HS6ST3: variants seen among roughly 807,000 people sequenced by gnomAD.
HS6ST3 encodes heparan sulfate 6-O-sulfotransferase 3.
HS6ST3 carries 12 observed loss-of-function variants against 36.7 expected under a neutral mutation model. The ratio of observed to expected loss-of-function variants is 0.33; its 90% CI spans 0.21 to 0.53. HS6ST3 has a LOEUF of 0.53. Among genes scored for constraint, HS6ST3 ranks in the 20% least tolerant of loss-of-function variants. HS6ST3 has a pLI of 0.95. For synonymous variants in HS6ST3, 240 were observed against 257.5 expected (o/e 0.93, Z 0.65); for missense variants, 584 against 640.9 (o/e 0.91, Z 0.96).
chr13:96,674,532 G>T (rs1298543578), intron 1 of HS6ST3, among the ~76,000 whole-genome samples: 3 of 152,078 alleles, frequency 2.0e-5, no homozygotes, highest in Admixed American at 1.3e-4. Context: ...TCTGGGAACA[G>T]GGGGAAGTTA....
intron 1 of HS6ST3, among the ~76,000 whole-genome samples, chr13:96,692,107 A>C (rs1226558868): frequency 1.3e-5 from 2 of 152,162 alleles, no homozygotes; most frequent in Non-Finnish European, 2.9e-5. Flanking sequence ...TGAAATTTTT[A>C]GAGTCATTCA....
At chr13:96,545,290 A>G (rs1003375580) in intron 1 of HS6ST3, among the ~76,000 whole-genome samples, 3 of 152,194 alleles carry the variant, frequency 2.0e-5, no homozygotes, top group African/African-American at 7.2e-5. Context: ...AATTATTTCT[A>G]TTTGCCTCAT....
Position 96,301,249 on chromosome 13 carries a change from A to G in HS6ST3, c.707+209680A>G, listed in dbSNP as rs1282121778. Among the ~76,000 whole-genome samples the G allele has an allele frequency of 2.6e-5, 4 of 152,362 alleles. No homozygotes were observed. In the East Asian group the frequency reaches 5.8e-4, roughly 22 times the overall value. ...AAAACAAAACATAAAACATTTCACC[A>G]TAATATTTGCCAATCTTATATACCT... On this transcript the variant is annotated intron_variant, in intron 1 of 1. Transcript: ENST00000376705.
intron 1 of HS6ST3, among the ~76,000 whole-genome samples, chr13:96,362,435 C>CA (rs908318532): frequency 1.3e-5 from 2 of 152,138 alleles, no homozygotes; most frequent in African/African-American, 4.8e-5. Context: ...CAAATCGACT[C>CA]AAACACGTAC....
chr13:96,610,031 A>T (rs2056452298), intron 1 of HS6ST3, among the ~76,000 whole-genome samples: 2 of 152,296 alleles, frequency 1.3e-5, no homozygotes, highest in South Asian at 4.1e-4. Context: ...ATGGCACACA[A>T]GCACGTGGGA....
intron 1 of HS6ST3, among the ~76,000 whole-genome samples, chr13:96,761,479 T>C (rs910226539): frequency 2.0e-5 from 3 of 152,126 alleles, no homozygotes; most frequent in African/African-American, 7.2e-5. Flanking sequence ...AGTAAATATA[T>C]AAACATCTAG....
chr13:96,295,002 G>C (rs1467908214), intron 1 of HS6ST3, among the ~76,000 whole-genome samples: 1 of 151,988 alleles, frequency 6.6e-6, no homozygotes, highest in Non-Finnish European at 1.5e-5. Context: ...TATGTTAAAG[G>C]AGTCATAGCA....
intron 1 of HS6ST3, among the ~76,000 whole-genome samples, chr13:96,793,838 C>T (rs1181952148): frequency 6.6e-6 from 1 of 151,984 alleles, no homozygotes; most frequent in Non-Finnish European, 1.5e-5. Context: ...AATCAATTCT[C>T]AGAAGTCTAC....
chr13:96,184,133 G>A (rs777663421), intron 1 of HS6ST3, among the ~76,000 whole-genome samples: 4 of 150,620 alleles, frequency 2.7e-5, no homozygotes, highest in Non-Finnish European at 3.0e-5. Context: ...CCTGGCAGGG[G>A]GAGGTTGCAA....
At chr13:96,493,414 T>A (rs2055956576) in intron 1 of HS6ST3, among the ~76,000 whole-genome samples, 1 of 152,172 alleles carries the variant, frequency 6.6e-6, no homozygotes, top group South Asian at 2.1e-4. Context: ...ATCTAAATAA[T>A]GATGATCATT....
intron 1 of HS6ST3, among the ~76,000 whole-genome samples, chr13:96,096,078 C>T (rs1177934267): frequency 2.0e-5 from 3 of 151,564 alleles, no homozygotes; most frequent in Non-Finnish European, 4.4e-5. Flanking sequence ...AACTGCAACT[C>T]GAATTTATTT....
chr13:96,303,216 G>T (rs2054892560), intron 1 of HS6ST3, among the ~76,000 whole-genome samples: 1 of 152,064 alleles, frequency 6.6e-6, no homozygotes, highest in Non-Finnish European at 1.5e-5. Context: ...TTCTCTAAAG[G>T]TCTATATTTT....
At chr13:96,793,827 C>T (rs747523986) in intron 1 of HS6ST3, among the ~76,000 whole-genome samples, 2 of 152,000 alleles carry the variant, frequency 1.3e-5, no homozygotes, top group Non-Finnish European at 2.9e-5. Context: ...AAAATGTATA[C>T]AATCAATTCT....
chr13:96,215,015 C>T (rs764574), intron 1 of HS6ST3, among the ~76,000 whole-genome samples: 66,764 of 151,904 alleles, frequency 0.44, 15,388 homozygotes, highest in Admixed American at 0.56. Context: ...ACTTCCTCCC[C>T]GCTGAGACCC....
At chr13:96,108,898 G>A (rs2053854940) in intron 1 of HS6ST3, among the ~76,000 whole-genome samples, 1 of 152,176 alleles carries the variant, frequency 6.6e-6, no homozygotes. Flanking sequence ...CTCCAGGACA[G>A]TAAGGAGGTC....
intron 1 of HS6ST3, among the ~76,000 whole-genome samples, chr13:96,485,595 G>A (rs2055910207): frequency 6.6e-6 from 1 of 152,052 alleles, no homozygotes; most frequent in African/African-American, 2.4e-5. Flanking sequence ...GTATTAGCTA[G>A]TACTTCCAGT....
Position 96,132,027 on chromosome 13 carries a change from G to C in HS6ST3, c.707+40458G>C, listed in dbSNP as rs150067680. Among the ~76,000 whole-genome samples, 113 of 149,838 alleles carry C rather than the reference G, an allele frequency of 7.5e-4. 1 individual carries two copies. Among genetic ancestry groups the C allele is most frequent in the African/African-American group, 2.6e-3 (107 of 40,782 alleles). On this transcript the variant is annotated intron_variant, in intron 1 of 1. Coordinates refer to ENST00000376705, the MANE Select transcript of HS6ST3 (RefSeq NM_153456.4). ...TGTGGTACTTGTCTTTGTGTGTCTG[G>C]CTTATTTTATATAACATAATGTCCT...
chr13:96,572,605 CTTT>C (rs34853293), intron 1 of HS6ST3, among the ~76,000 whole-genome samples: 2 of 143,864 alleles, frequency 1.4e-5, no homozygotes, highest in Non-Finnish European at 1.5e-5. Flanking sequence ...TTATTGTGGA[CTTT>C]TTTTTTTTTT....
chr13:96,177,706 G>A (rs1240143063), intron 1 of HS6ST3, among the ~76,000 whole-genome samples: 1 of 151,856 alleles, frequency 6.6e-6, no homozygotes, highest in Non-Finnish European at 1.5e-5. Context: ...ATACCTGGGT[G>A]ATGGAATATT....
Sources: gnomAD v4.1 joint callset for allele counts (sites outside exome capture counted in the v4.1 genomes callset) on GRCh38, gnomAD v4.1.1 for gene constraint, MANE v1.5 for transcripts, NCBI Gene and HGNC (gene_info 2026-07-23, HGNC 2026-07-21) for gene names.